TNFRSF11A: variants seen among roughly 807,000 people sequenced by gnomAD.
The protein encoded by TNFRSF11A is tumor necrosis factor receptor superfamily member 11A.
A neutral mutation model predicts 55.7 loss-of-function variants in TNFRSF11A; 32 were observed. The ratio of observed to expected loss-of-function variants is 0.57; its 90% CI spans 0.43 to 0.77. The LOEUF (loss-of-function observed/expected upper bound fraction) is 0.77, where lower values mean the gene tolerates loss of function less well. Among genes scored for constraint, TNFRSF11A ranks in the 30% least tolerant of loss-of-function variants. TNFRSF11A has a pLI of 0.00. For synonymous variants in TNFRSF11A, 311 were observed against 331.0 expected (o/e 0.94, Z 0.65); for missense variants, 753 against 809.8 (o/e 0.93, Z 0.85).
chr18:62,359,933 T>C, intron 5 of TNFRSF11A, 22 bp from the exon 6 acceptor site: 1 of 1,607,442 alleles, frequency 6.2e-7, no homozygotes. Flanking sequence ...ACCAAAGCAC[T>C]GAACCACCTT....
intron 1 of TNFRSF11A, among the ~76,000 whole-genome samples, chr18:62,340,107 G>T (rs190885005): frequency 2.6e-3 from 398 of 152,124 alleles, no homozygotes; most frequent in African/African-American, 9.3e-3. Flanking sequence ...TGGGAAGATT[G>T]CTTGAACCCA....
At chr18:62,370,376 G>T (rs986581837) in intron 9 of TNFRSF11A, among the ~76,000 whole-genome samples, 2 of 152,118 alleles carry the variant, frequency 1.3e-5, no homozygotes, top group Admixed American at 1.3e-4. Flanking sequence ...CTATTTAAGG[G>T]GCTTCACAGA....
intron 3 of TNFRSF11A, 117 bp from the exon 4 acceptor site, chr18:62,354,274 G>C: frequency 7.5e-7 from 1 of 1,331,878 alleles, no homozygotes; most frequent in African/African-American, 1.5e-5. Flanking sequence ...GATTCACTCT[G>C]CAGGCCTGCC....
At chr18:62,364,478 C>A (rs117447097) in intron 7 of TNFRSF11A, among the ~76,000 whole-genome samples, 73 of 152,176 alleles carry the variant, frequency 4.8e-4, no homozygotes, top group Admixed American at 2.8e-3. Context: ...GCAGGCGCAC[C>A]AGTTAGGAAG....
At chr18:62,356,534 A>G (rs1267015694) in intron 4 of TNFRSF11A, among the ~76,000 whole-genome samples, 2 of 152,220 alleles carry the variant, frequency 1.3e-5, no homozygotes, top group Non-Finnish European at 2.9e-5. Context: ...ATTTTTGGAC[A>G]AAATAGGTTG....
At chr18:62,343,617 G>A (rs1376117687) in intron 1 of TNFRSF11A, among the ~76,000 whole-genome samples, 5 of 152,050 alleles carry the variant, frequency 3.3e-5, no homozygotes, top group South Asian at 2.1e-4. Flanking sequence ...CCCGCCCTCC[G>A]AAAGCCTTGC....
chr18:62,373,567 T>A (rs1291943181), intron 9 of TNFRSF11A, among the ~76,000 whole-genome samples: 2 of 152,218 alleles, frequency 1.3e-5, no homozygotes, highest in Non-Finnish European at 2.9e-5. Flanking sequence ...CATTCAGGAA[T>A]AAATAGATGA....
At chr18:62,381,655 T>C (rs1911296863) in intron 9 of TNFRSF11A, among the ~76,000 whole-genome samples, 1 of 152,214 alleles carries the variant, frequency 6.6e-6, no homozygotes. Flanking sequence ...ATTCTCTTCA[T>C]AGACTTATCT....
chr18:62,348,603 T>C (rs1225907868), intron 2 of TNFRSF11A, among the ~76,000 whole-genome samples: 1 of 152,238 alleles, frequency 6.6e-6, no homozygotes, highest in African/African-American at 2.4e-5. Flanking sequence ...TACTTAAAAT[T>C]GTTTTCACAG....
Position 62,325,493 on chromosome 18 carries a change from C to A in TNFRSF11A, c.75+66C>A. On this transcript the variant is annotated intron_variant, in intron 1 of 9. Transcript: ENST00000586569. This position sits in a 1 kb window ranked among gnomAD's most constrained non-coding sequence, Gnocchi z 4.7. The stretch of plus-strand genomic sequence containing the variant: ...CCTCCTCGGGAGCCCCGGGAAGGGC[C>A]GGGGCCGGCGGCATCCTGGCTCCTC... The A allele has an allele frequency of 9.2e-7, 1 of 1,081,698 alleles. No individual in the cohort carries two copies. Among genetic ancestry groups the A allele is most frequent in the African/African-American group, 1.7e-5 (1 of 58,774 alleles). 67.0% of individuals were successfully genotyped at this position (1,081,698 alleles called of 1,614,324 possible). A position where few individuals can be genotyped will look rare whatever the true frequency, so the allele number is the denominator to read the frequency against.
chr18:62,377,075 A>G lies in TNFRSF11A; in HGVS notation c.1567+7591A>G, dbSNP rs986909319. On this transcript the variant is annotated intron_variant, in intron 9 of 9. Coordinates refer to ENST00000586569, the MANE Select transcript of TNFRSF11A (RefSeq NM_003839.4). ...ACTACAGGCGCCTGCCACCATGCCCAGCAAATTTTTTGTATTTTTTTAGTA... is the reference window on the plus strand; with the variant it reads ...ACTACAGGCGCCTGCCACCATGCCCGGCAAATTTTTTGTATTTTTTTAGTA... Among the ~76,000 whole-genome samples, 26 of 152,018 alleles carry G rather than the reference A, an allele frequency of 1.7e-4. No individual in the cohort carries two copies. In the East Asian group the frequency reaches 3.5e-3, roughly 20 times the overall value.
rs753270663 is a variant in TNFRSF11A, at chr18:62,368,836, G to A, written c.919G>A (p.Val307Ile). The A allele has an allele frequency of 3.1e-6, 5 of 1,614,264 alleles. No homozygotes were observed. Among genetic ancestry groups the A allele is most frequent in the Non-Finnish European group, 4.2e-6 (5 of 1,180,050 alleles). ...EDMCYPDQGG[V>I]CQGTCVGGGP... ...TATGTGCTACCCAGATCAAGGTGGT[G>A]TCTGTCAGGGCACATGTGTAGGAGG... Residue 307 changes from valine (V) to isoleucine (I), a missense_variant, in exon 9 of 10, where the codon GTC becomes ATC. Physicochemically the swap from Val to Ile is conservative, Grantham distance 29 (BLOSUM62 3). This residue lies in a region of TNFRSF11A where 567 missense variants were observed against 596.7 expected (regional missense o/e 0.95). Coordinates refer to ENST00000586569, the MANE Select transcript of TNFRSF11A (RefSeq NM_003839.4).
chr18:62,329,148 A>G (rs1480934445), intron 1 of TNFRSF11A, among the ~76,000 whole-genome samples: 1 of 152,194 alleles, frequency 6.6e-6, no homozygotes, highest in African/African-American at 2.4e-5. Flanking sequence ...TTTTTCCCAC[A>G]TGCTGTATCC....
rs1805034 is a variant in TNFRSF11A at position 62,360,008 on chromosome 18, C to T, written c.575C>T (p.Ala192Val). ...VEHHGTEKSD[A>V]VCSSSLPARK... ...CATCATGGGACAGAGAAATCCGATG[C>T]GGTTTGCAGTTCTTCTCTGCCAGCT... is the stretch of plus-strand genomic sequence containing the variant. Residue 192 changes from alanine (A) to valine (V), a missense_variant, in exon 6 of 10, where the codon GCG (alanine) becomes GTG (valine). By Grantham distance (64) the Ala-to-Val change is moderately conservative (BLOSUM62 0). Coordinates refer to ENST00000586569, the MANE Select transcript of TNFRSF11A (RefSeq NM_003839.4). 0.52 allele frequency: 839,505 copies of T among 1,612,518 alleles called. 221,917 individuals carry two copies. Among genetic ancestry groups the T allele is most frequent in the East Asian group, 0.69 (30,858 of 44,864 alleles).
intron 5 of TNFRSF11A, 81 bp downstream of exon 5, chr18:62,358,422 G>A (rs1422338442): frequency 1.8e-5 from 25 of 1,360,268 alleles, no homozygotes; most frequent in East Asian, 1.4e-4. Flanking sequence ...GGTTGAAAAC[G>A]GACGGATTCT....
At chr18:62,334,561 G>T (rs1295811848) in intron 1 of TNFRSF11A, among the ~76,000 whole-genome samples, 3 of 152,212 alleles carry the variant, frequency 2.0e-5, no homozygotes, top group Non-Finnish European at 4.4e-5. Context: ...GCTTTCGGAA[G>T]TAGGTAGTTA....
In TNFRSF11A at chr18:62,325,988, GC is replaced by G. The variant is rs1755634360; in HGVS notation, c.75+565del. Among the ~76,000 whole-genome samples the G allele has an allele frequency of 6.6e-6, 1 of 152,188 alleles. No individual in the cohort carries two copies. The highest frequency in any genetic ancestry group is 2.1e-4 in the South Asian group (1 of 4,830). On this transcript the variant is annotated intron_variant, in intron 1 of 9. Coordinates refer to ENST00000586569, the MANE Select transcript of TNFRSF11A (RefSeq NM_003839.4). This position sits in a 1 kb window ranked among gnomAD's most constrained non-coding sequence, Gnocchi z 4.7. The stretch of plus-strand genomic sequence containing the variant: ...CACGGCGGGGAGAGACTGCGCGCGC[GC>G]CCCGGGGATGCTGGACTTGACCCTC...
chr18:62,355,936 T>C (rs185050761), intron 4 of TNFRSF11A, among the ~76,000 whole-genome samples: 2 of 152,368 alleles, frequency 1.3e-5, no homozygotes, highest in Non-Finnish European at 2.9e-5. Flanking sequence ...TTTCTTTCAG[T>C]ACCTTCTGAT....
At chr18:62,384,546 T>A (rs1246889879) in intron 9 of TNFRSF11A, among the ~76,000 whole-genome samples, 1 of 149,964 alleles carries the variant, frequency 6.7e-6, no homozygotes, top group Non-Finnish European at 1.5e-5. Flanking sequence ...TTACTTCTTT[T>A]GTCTTTTTTC....
Sources: allele counts gnomAD v4.1 joint callset (sites outside exome capture counted in the v4.1 genomes callset), GRCh38; gene constraint gnomAD v4.1.1; regional missense constraint gnomAD v4.1.1; non-coding constraint Gnocchi (gnomAD v3.1); transcripts MANE v1.5; gene names NCBI Gene and HGNC (gene_info 2026-07-23, HGNC 2026-07-21).